The following CAMTA1 variants were observed in gnomAD, a reference collection of about 807,000 sequenced individuals.
CAMTA1 encodes calmodulin-binding transcription activator 1.
Under a neutral mutation model 170.9 loss-of-function variants are expected in CAMTA1, and 27 were observed. That is an observed-to-expected ratio of 0.16 (90% CI 0.12 to 0.22). CAMTA1 has a LOEUF of 0.22. Ranked by LOEUF, CAMTA1 falls within the 10% of genes least tolerant of loss-of-function variation. The pLI is 1.00. For missense variants in CAMTA1, 1,619 were observed against 2,217.2 expected (o/e 0.73, Z 5.42); for synonymous variants, 833 against 891.5 (o/e 0.93, Z 1.17).
intron 5 of CAMTA1, among the ~76,000 whole-genome samples, chr1:7,340,231 T>A (rs2149804393): frequency 6.6e-6 from 1 of 152,238 alleles, no homozygotes; most frequent in East Asian, 1.9e-4. Flanking sequence ...TGGCCCACAG[T>A]TATAGTGTGC....
chr1:7,233,843 C>A (rs976927215), intron 4 of CAMTA1, among the ~76,000 whole-genome samples: 2 of 152,174 alleles, frequency 1.3e-5, no homozygotes, highest in African/African-American at 2.4e-5. Context: ...TCTCTTTAAT[C>A]CCTCGGCCTA....
chr1:7,265,700 T>C (rs1668823152), intron 5 of CAMTA1, among the ~76,000 whole-genome samples: 1 of 152,248 alleles, frequency 6.6e-6, no homozygotes, highest in Non-Finnish European at 1.5e-5. Context: ...AAAATTCATT[T>C]TTCCTGTTTC....
At chr1:7,524,255 G>T (rs1354096899) in intron 6 of CAMTA1, among the ~76,000 whole-genome samples, 3 of 152,162 alleles carry the variant, frequency 2.0e-5, no homozygotes, top group Non-Finnish European at 1.5e-5. Flanking sequence ...ATTATCAATG[G>T]TATTGTGTTT....
intron 11 of CAMTA1, among the ~76,000 whole-genome samples, chr1:7,686,282 T>C (rs1481641801): frequency 6.6e-6 from 1 of 152,122 alleles, no homozygotes; most frequent in Non-Finnish European, 1.5e-5. Context: ...CCCTGGATGG[T>C]CTGGGAGAGG....
In CAMTA1 at chr1:7,144,287, GTGTA is replaced by G. The variant is rs1383072326; in HGVS notation, c.302+52919_302+52922del. 6.6e-6 allele frequency among the ~76,000 whole-genome samples: 1 copy of G among 152,090 alleles called. No homozygotes were observed. The highest frequency in any genetic ancestry group is 2.4e-5 in the African/African-American group (1 of 41,408). ...TTTGTGTGTATGAGTGTGTGTTTGTGTGTATGAGTGTGTGAGAGACAGCAAGAGA... is the reference window on the plus strand; with the variant it reads ...TTTGTGTGTATGAGTGTGTGTTTGTGTGAGTGTGTGAGAGACAGCAAGAGA... On this transcript the variant is annotated intron_variant, in intron 4 of 22. Transcript: ENST00000303635. This position sits in a 1 kb window ranked among gnomAD's most constrained non-coding sequence, Gnocchi z 4.0.
intron 5 of CAMTA1, among the ~76,000 whole-genome samples, chr1:7,274,044 A>G (rs1670229484): frequency 6.6e-6 from 1 of 152,166 alleles, no homozygotes; most frequent in African/African-American, 2.4e-5. Flanking sequence ...TGAAGTCAGG[A>G]AAGAGGAATA....
intron 5 of CAMTA1, among the ~76,000 whole-genome samples, chr1:7,308,294 A>G (rs533106913): frequency 2.0e-5 from 3 of 151,998 alleles, no homozygotes; most frequent in East Asian, 1.9e-4. Flanking sequence ...TTATCTTTTC[A>G]GCAAACTAGC....
At chr1:7,097,118 G>A (rs2148197612) in intron 4 of CAMTA1, among the ~76,000 whole-genome samples, 1 of 152,318 alleles carries the variant, frequency 6.6e-6, no homozygotes, top group African/African-American at 2.4e-5. Context: ...CTCAGGGCGA[G>A]CCCTCTTCCC....
In CAMTA1 at chr1:7,680,541, C is replaced by T. The variant is rs1335745345; in HGVS notation, c.2914+2808C>T. Among the ~76,000 whole-genome samples, 3 of 151,644 alleles carry T rather than the reference C, an allele frequency of 2.0e-5. No homozygotes were observed. On this transcript the variant is annotated intron_variant, in intron 11 of 22. Transcript: ENST00000303635. This position sits in a 1 kb window ranked among gnomAD's most constrained non-coding sequence, Gnocchi z 4.4. ...CTGGCGGCGCCGCGCCCCGCGGGGT[C>T]TGGGGCCCCAGCAGGGACTGCGAGG...
In CAMTA1 at chr1:7,767,787, GTACTT is replaced by G. The variant is rs1314305110; in HGVS notation, c.*1299_*1303del. 2 of 144,798 alleles carry G rather than the reference GTACTT, an allele frequency of 1.4e-5. No individual in the cohort carries two copies. Among genetic ancestry groups the G allele is most frequent in the African/African-American group, 2.6e-5 (1 of 38,946 alleles). The allele number at this position is 144,798 out of a possible 1,614,324, so 9.0% of individuals were successfully genotyped here. On this transcript the variant is annotated 3_prime_UTR_variant, in exon 23 of 23. Coordinates refer to ENST00000303635, the MANE Select transcript of CAMTA1 (RefSeq NM_015215.4). ...AAAAAAACTTTATTTCACTATAAGA[GTACTT>G]TATTTTAAATGTTCTTTAGGAGAAC...
chr1:7,176,707 A>G (rs1650913675), intron 4 of CAMTA1, among the ~76,000 whole-genome samples: 1 of 152,122 alleles, frequency 6.6e-6, no homozygotes, highest in African/African-American at 2.4e-5. Context: ...TAATCAAGAC[A>G]TTTTTGCAAG....
At chr1:7,661,693 G>A (rs748400224) in intron 7 of CAMTA1, 33 bp from the exon 8 acceptor site, 1 of 1,612,914 alleles carries the variant, frequency 6.2e-7, no homozygotes, top group Non-Finnish European at 8.5e-7. Context: ...GCACCCACGG[G>A]CTCTGACAGC....
chr1:7,587,369 A>G (rs999084185), intron 6 of CAMTA1, among the ~76,000 whole-genome samples: 2 of 152,014 alleles, frequency 1.3e-5, no homozygotes, highest in African/African-American at 2.4e-5. Flanking sequence ...GGCTTTGCTC[A>G]CAGATCCATC....
intron 3 of CAMTA1, among the ~76,000 whole-genome samples, chr1:6,846,202 T>C (rs955710465): frequency 6.6e-6 from 1 of 152,234 alleles, no homozygotes; most frequent in South Asian, 2.1e-4. Context: ...CTTTTCACCA[T>C]GTATATTTGG....
At chr1:7,716,266 C>G (rs1378182085) in intron 11 of CAMTA1, among the ~76,000 whole-genome samples, 1 of 152,134 alleles carries the variant, frequency 6.6e-6, no homozygotes, top group Non-Finnish European at 1.5e-5. Context: ...CTCCTGAGTT[C>G]AAGTGATCCT....
chr1:7,611,930 C>T (rs116436880), intron 6 of CAMTA1, among the ~76,000 whole-genome samples: 1 of 152,238 alleles, frequency 6.6e-6, no homozygotes, highest in African/African-American at 2.4e-5. Flanking sequence ...GGGTATGGCT[C>T]ATTTTCTTGG....
chr1:7,640,322 C>T (rs1219718201), intron 6 of CAMTA1, 78 bp from the exon 7 acceptor site: 3 of 1,530,700 alleles, frequency 2.0e-6, no homozygotes, highest in East Asian at 2.3e-5. Context: ...TCTGCCTGCA[C>T]CTGCGGGGTT....
At chr1:7,715,550 A>G (rs1425745916) in intron 11 of CAMTA1, among the ~76,000 whole-genome samples, 2 of 151,562 alleles carry the variant, frequency 1.3e-5, no homozygotes, top group African/African-American at 4.9e-5. Context: ...CTCCCACCTC[A>G]GCCTCCCAAA....
chr1:7,521,827 G>T (rs148491917), intron 6 of CAMTA1, among the ~76,000 whole-genome samples: 1 of 152,280 alleles, frequency 6.6e-6, no homozygotes, highest in East Asian at 1.9e-4. Context: ...GATTACAGGC[G>T]TGAGCCACTG....
Sources: allele counts gnomAD v4.1 joint callset (sites outside exome capture counted in the v4.1 genomes callset), GRCh38; gene constraint gnomAD v4.1.1; non-coding constraint Gnocchi (gnomAD v3.1); transcripts MANE v1.5; gene names NCBI Gene and HGNC (gene_info 2026-07-23, HGNC 2026-07-21).